The following SUSD4 variants were observed in gnomAD, a reference collection of about 807,000 sequenced individuals.
The protein encoded by SUSD4 is sushi domain containing 4.
Under a neutral mutation model 50.5 loss-of-function variants are expected in SUSD4, and 41 were observed. The observed-to-expected ratio is 0.81, with a 90% CI of 0.63 to 1.05. The LOEUF is 1.05. SUSD4 is among the 50% of genes least tolerant of loss of function. SUSD4 has a pLI of 0.00. For synonymous variants in SUSD4, 257 were observed against 257.3 expected (o/e 1.00, Z 0.01); for missense variants, 580 against 634.7 (o/e 0.91, Z 0.93).
intron 2 of SUSD4, among the ~76,000 whole-genome samples, chr1:223,333,480 A>ATTTCTCT (rs1667290137): frequency 6.6e-6 from 1 of 152,188 alleles, no homozygotes; most frequent in Non-Finnish European, 1.5e-5. Context: ...TGAACATGTG[A>ATTTCTCT]TCATTTTTCT....
chr1:223,286,444 T>A (rs1664145834), intron 3 of SUSD4, among the ~76,000 whole-genome samples: 1 of 152,144 alleles, frequency 6.6e-6, no homozygotes, highest in Non-Finnish European at 1.5e-5. Context: ...AGAGACAGGG[T>A]TTCGTCATGT....
intron 3 of SUSD4, 114 bp downstream of exon 3, chr1:223,292,325 G>T: frequency 8.8e-7 from 1 of 1,133,424 alleles, no homozygotes; most frequent in Non-Finnish European, 1.3e-6. Flanking sequence ...TGCAGGTGCA[G>T]CCCTGCATCA....
At chr1:223,304,792 CCATATATATATATATATATATA>C (rs1665419438) in intron 2 of SUSD4, among the ~76,000 whole-genome samples, 2 of 45,122 alleles carry the variant, frequency 4.4e-5, no homozygotes, top group Non-Finnish European at 7.5e-5. Flanking sequence ...TCTCAGGTTT[CCATATATATATATATATATATA>C]TATATATATA....
At chr1:223,235,635 G>A (rs890143897) in intron 5 of SUSD4, among the ~76,000 whole-genome samples, 2 of 151,598 alleles carry the variant, frequency 1.3e-5, no homozygotes, top group Admixed American at 6.6e-5. Flanking sequence ...TTTGAGATTG[G>A]TATCTTTCAT....
At position 223,229,077 on chromosome 1, in the gene SUSD4, T is replaced by A; in HGVS notation, c.916+120A>T. On this transcript the variant is annotated intron_variant, in intron 6 of 8. Transcript: ENST00000366878. This position sits in a 1 kb window ranked among gnomAD's most constrained non-coding sequence, Gnocchi z 4.7. ...CGACCCGCAATGATATGTTTCGATA[T>A]CCTGTTCCTGACACTGGGTGGGGGA... 9.5e-7 allele frequency: 1 copy of A among 1,052,240 alleles called. No homozygotes were observed. Among genetic ancestry groups the A allele is most frequent in the Non-Finnish European group, 1.4e-6 (1 of 728,598 alleles). 65.2% of individuals were successfully genotyped at this position (1,052,240 alleles called of 1,614,324 possible). A position where few individuals can be genotyped will look rare whatever the true frequency, so the allele number is the denominator to read the frequency against.
intron 5 of SUSD4, among the ~76,000 whole-genome samples, chr1:223,255,903 T>C (rs1661657662): frequency 6.6e-6 from 1 of 152,138 alleles, no homozygotes; most frequent in African/African-American, 2.4e-5. Flanking sequence ...GCGGGTTTAT[T>C]CAGAACTGTG....
rs188514044 is a variant in SUSD4 at position 223,273,399 on chromosome 1, G to A, written c.362-4724C>T. Among the ~76,000 whole-genome samples, 25 of 152,304 alleles carry A rather than the reference G, an allele frequency of 1.6e-4. No individual in the cohort carries two copies. In the East Asian group the frequency reaches 4.4e-3, roughly 27 times the overall value. On this transcript the variant is annotated intron_variant, in intron 3 of 8. Coordinates refer to ENST00000366878, the MANE Select transcript of SUSD4 (RefSeq NM_017982.4). ...AAAGGATTAACTTACCCAAGGAGAG[G>A]TTTAGGCATTTGCCCTCAGCTCCTG...
intron 2 of SUSD4, among the ~76,000 whole-genome samples, chr1:223,338,547 G>GGTATGAT (rs1667580565): frequency 6.6e-6 from 1 of 152,214 alleles, no homozygotes; most frequent in Non-Finnish European, 1.5e-5. Context: ...GAACAACTCT[G>GGTATGAT]TTCACCACAA....
At chr1:223,225,614 T>A (rs1158288867) in intron 7 of SUSD4, among the ~76,000 whole-genome samples, 1 of 152,166 alleles carries the variant, frequency 6.6e-6, no homozygotes, top group East Asian at 1.9e-4. Flanking sequence ...GATGCTCCCT[T>A]CCTCTCCGGC....
At chr1:223,258,739 T>C (rs769827876) in intron 5 of SUSD4, among the ~76,000 whole-genome samples, 1 of 152,152 alleles carries the variant, frequency 6.6e-6, no homozygotes, top group Non-Finnish European at 1.5e-5. Flanking sequence ...CCTACAGTGA[T>C]GTATTCCCCT....
At chr1:223,340,657 C>A (rs1173265277) in intron 2 of SUSD4, among the ~76,000 whole-genome samples, 1 of 152,086 alleles carries the variant, frequency 6.6e-6, no homozygotes, top group African/African-American at 2.4e-5. Flanking sequence ...AGGCTCCAGG[C>A]AAAAGATCCA....
chr1:223,302,081 C>T (rs1665234659), intron 2 of SUSD4, among the ~76,000 whole-genome samples: 2 of 152,102 alleles, frequency 1.3e-5, no homozygotes, highest in Admixed American at 1.3e-4. Flanking sequence ...TCTCCTGATA[C>T]AGTTCTCACA....
At chr1:223,325,924 CT>C (rs1445437464) in intron 2 of SUSD4, among the ~76,000 whole-genome samples, 1 of 152,148 alleles carries the variant, frequency 6.6e-6, no homozygotes, top group African/African-American at 2.4e-5. Flanking sequence ...GGAATCAATA[CT>C]GTGAAAATGA....
chr1:223,349,538 C>T (rs1668238589), intron 2 of SUSD4, among the ~76,000 whole-genome samples: 1 of 152,208 alleles, frequency 6.6e-6, no homozygotes, highest in African/African-American at 2.4e-5. Flanking sequence ...TGGACTCCAT[C>T]ATCAGTGCCT....
intron 2 of SUSD4, among the ~76,000 whole-genome samples, chr1:223,362,204 A>G (rs1297762690): frequency 6.6e-6 from 1 of 152,210 alleles, no homozygotes; most frequent in African/African-American, 2.4e-5. Context: ...TCTGTGTTAA[A>G]GCCCAACTTA....
At chr1:223,338,746 T>C (rs1377347758) in intron 2 of SUSD4, among the ~76,000 whole-genome samples, 1 of 152,134 alleles carries the variant, frequency 6.6e-6, no homozygotes, top group Non-Finnish European at 1.5e-5. Flanking sequence ...CTCTGATTTG[T>C]AGGATGAGGC....
intron 2 of SUSD4, among the ~76,000 whole-genome samples, chr1:223,328,188 A>G (rs537018127): frequency 6.6e-6 from 1 of 152,344 alleles, no homozygotes; most frequent in African/African-American, 2.4e-5. Flanking sequence ...AAGCATGACT[A>G]TTAGTAACAA....
chr1:223,251,658 G>C (rs1180136265), intron 5 of SUSD4, among the ~76,000 whole-genome samples: 1 of 152,180 alleles, frequency 6.6e-6, no homozygotes, highest in East Asian at 1.9e-4. Context: ...ATCATTGTTG[G>C]ACATTTGGGT....
chr1:223,327,309 T>C (rs532577054), intron 2 of SUSD4, among the ~76,000 whole-genome samples: 3 of 152,254 alleles, frequency 2.0e-5, no homozygotes, highest in South Asian at 2.1e-4. Context: ...ATTGATATAA[T>C]GGACTTTGGA....
Sources: gnomAD v4.1 joint callset for allele counts (sites outside exome capture counted in the v4.1 genomes callset) on GRCh38, gnomAD v4.1.1 for gene constraint, Gnocchi (gnomAD v3.1) non-coding constraint, MANE v1.5 for transcripts, NCBI Gene and HGNC (gene_info 2026-07-23, HGNC 2026-07-21) for gene names.